Variants in MAEA observed in about 807,000 individuals in gnomAD.
The protein encoded by MAEA is macrophage erythroblast attacher, E3 ubiquitin ligase.
MAEA carries 22 observed loss-of-function variants against 46.2 expected under a neutral mutation model. That is an observed-to-expected ratio of 0.48 (90% CI 0.34 to 0.68). The LOEUF (loss-of-function observed/expected upper bound fraction) is 0.68. Among genes scored for constraint, MAEA ranks in the 30% least tolerant of loss-of-function variants. The probability of loss-of-function intolerance (pLI) is 0.01; values close to 1 mark genes in which losing one functional copy is unlikely to be tolerated. For synonymous variants in MAEA, 246 were observed against 222.6 expected (o/e 1.11, Z -0.94); for missense variants, 393 against 558.1 (o/e 0.70, Z 2.98).
intron 3 of MAEA, among the ~76,000 whole-genome samples, chr4:1,317,946 C>T (rs1369695321): frequency 6.6e-6 from 1 of 152,180 alleles, no homozygotes; most frequent in African/African-American, 2.4e-5. Context: ...GCTGCTGTGG[C>T]CCCCATCTGG....
chr4:1,315,513 G>A lies in MAEA; in HGVS notation c.369G>A (p.Lys123=). The A allele has an allele frequency of 6.2e-7, 1 of 1,613,926 alleles. No homozygotes were observed. The change falls in exon 3 of 9, where the codon AAG becomes AAA. Residue 123 remains lysine (K), a synonymous_variant. Coordinates refer to ENST00000303400, the MANE Select transcript of MAEA (RefSeq NM_001017405.3). ...CGGCGGCCAGCGTGTGGAAGAGGAAGCGCATGGATCGCATGATGGTGGAGC... is the reference window on the plus strand; with the variant it reads ...CGGCGGCCAGCGTGTGGAAGAGGAAACGCATGGATCGCATGATGGTGGAGC... ...QPAAASVWKR[K]RMDRMMVEHL... is the part of the protein sequence containing the mutation.
At chr4:1,338,134 C>T (rs1160258456) in intron 7 of MAEA, 7 of 394,872 alleles carry the variant, frequency 1.8e-5, no homozygotes, top group African/African-American at 4.1e-5. Flanking sequence ...GGAGAGGTTG[C>T]GTGGCCGGGG....
At chr4:1,319,723 G>C in intron 3 of MAEA, among the ~76,000 whole-genome samples, 1 of 46,948 alleles carries the variant, frequency 2.1e-5, no homozygotes, top group South Asian at 5.3e-4. Flanking sequence ...CTGGACAAGA[G>C]AGCGAGACCC....
intron 1 of MAEA, among the ~76,000 whole-genome samples, chr4:1,293,674 A>G (rs1353036446): frequency 6.6e-6 from 1 of 152,172 alleles, no homozygotes; most frequent in Non-Finnish European, 1.5e-5. Context: ...AGCTCCAGTG[A>G]GTCCTCTCAC....
chr4:1,295,598 C>T (rs922041701), intron 1 of MAEA, among the ~76,000 whole-genome samples: 10 of 147,870 alleles, frequency 6.8e-5, no homozygotes, highest in Non-Finnish European at 1.3e-4. Flanking sequence ...GCCTGACCTG[C>T]ACCTGCTCCC....
chr4:1,291,122 A>T (rs1398117904), intron 1 of MAEA, among the ~76,000 whole-genome samples: 3 of 152,196 alleles, frequency 2.0e-5, no homozygotes, highest in Admixed American at 6.5e-5. Context: ...TTCATAGGAA[A>T]GCAGAAGCAA....
chr4:1,337,988 G>A (rs1437992497), intron 7 of MAEA: 1 of 180,928 alleles, frequency 5.5e-6, no homozygotes, highest in South Asian at 1.0e-4. Flanking sequence ...TGGCTGTGCC[G>A]GGGTATGAAT....
At chr4:1,329,949 A>G (rs1372702041) in intron 5 of MAEA, 1 of 985,256 alleles carries the variant, frequency 1.0e-6, no homozygotes, top group Non-Finnish European at 1.2e-6. Context: ...GTCGGGCACC[A>G]TCTACAGGGC....
At chr4:1,335,070 G>T in intron 6 of MAEA, 3 of 985,348 alleles carry the variant, frequency 3.0e-6, no homozygotes, top group Non-Finnish European at 3.6e-6. Flanking sequence ...GCCTTTCTGG[G>T]TTGATGTGAA....
intron 5 of MAEA, chr4:1,329,903 C>T: frequency 1.0e-6 from 1 of 985,558 alleles, no homozygotes; most frequent in Non-Finnish European, 1.2e-6. Flanking sequence ...AGCTTCCCGT[C>T]CACCTCTGAA....
At chr4:1,331,120 A>T (rs1210337556) in intron 5 of MAEA, 4 of 151,170 alleles carry the variant, frequency 2.6e-5, no homozygotes, top group African/African-American at 7.3e-5. Context: ...AGATGGAATG[A>T]GGGGGTTGGG....
chr4:1,326,907 G>C (rs984268362), intron 4 of MAEA, among the ~76,000 whole-genome samples: 2 of 151,980 alleles, frequency 1.3e-5, no homozygotes, highest in East Asian at 1.9e-4. Flanking sequence ...CTACCGACCT[G>C]GGTCCTGCCT....
intron 6 of MAEA, chr4:1,335,373 G>T: frequency 2.0e-6 from 2 of 985,508 alleles, no homozygotes; most frequent in Non-Finnish European, 2.4e-6. Context: ...AGTGAGTGTA[G>T]CAGAGTTAAG....
In MAEA at chr4:1,338,601, A is replaced by G. The variant is rs768742118; in HGVS notation, c.1079A>G (p.Tyr360Cys). Reference protein sequence around the residue: ...NNPPMMLPNGYVYGYNSLLSI... With the variant: ...NNPPMMLPNGCVYGYNSLLSI... ...CCGCCCATGATGCTGCCCAACGGCTACGTCTACGGCTACAATGTGAGGGGG... is the reference window on the plus strand; with the variant it reads ...CCGCCCATGATGCTGCCCAACGGCTGCGTCTACGGCTACAATGTGAGGGGG... Residue 360 changes from tyrosine (Y) to cysteine (C), a missense_variant, in exon 8 of 9, where the codon TAC becomes TGC. Around this residue, in one of 2 missense-constraint regions of MAEA, gnomAD observed 358 missense variants for 537.9 expected, o/e 0.67. Coordinates refer to ENST00000303400, the MANE Select transcript of MAEA (RefSeq NM_001017405.3). 2 of 1,609,966 alleles carry G rather than the reference A, an allele frequency of 1.2e-6. No individual in the cohort carries two copies. Among genetic ancestry groups the G allele is most frequent in the South Asian group, 1.1e-5 (1 of 90,628 alleles).
intron 5 of MAEA, chr4:1,332,140 A>C (rs1382365495): frequency 1.3e-5 from 2 of 152,430 alleles, no homozygotes; most frequent in Non-Finnish European, 2.9e-5. Flanking sequence ...GCATCTGGGG[A>C]GAGTGGGAAT....
At chr4:1,299,144 G>C (rs1735070281) in intron 1 of MAEA, among the ~76,000 whole-genome samples, 1 of 152,284 alleles carries the variant, frequency 6.6e-6, no homozygotes, top group South Asian at 2.1e-4. Flanking sequence ...GTCCAAAAGT[G>C]TTGGAATAAC....
intron 1 of MAEA, among the ~76,000 whole-genome samples, chr4:1,305,760 T>C (rs760017429): frequency 1.4e-5 from 1 of 69,270 alleles, no homozygotes; most frequent in African/African-American, 3.2e-5. Flanking sequence ...TGCGTGCACG[T>C]GCGCACGCGT....
chr4:1,306,400 A>G (rs1212508500), intron 1 of MAEA, among the ~76,000 whole-genome samples: 1 of 152,184 alleles, frequency 6.6e-6, no homozygotes, highest in East Asian at 1.9e-4. Context: ...CTGTAGTCCT[A>G]GCTACTCAGG....
Position 1,311,884 on chromosome 4 carries a change from C to G in MAEA, c.70-95C>G. On this transcript the variant is annotated intron_variant, in intron 1 of 8. Transcript: ENST00000303400. The surrounding 1 kb of genome is among the most constrained non-coding windows in gnomAD (Gnocchi z 4.4). ...GAACCTTCTGAGACTTCTGCCTCTACAAGTGCCATGAGGAGACCTGGTGTG... is the reference window on the plus strand; with the variant it reads ...GAACCTTCTGAGACTTCTGCCTCTAGAAGTGCCATGAGGAGACCTGGTGTG... The G allele has an allele frequency of 9.1e-7, 1 of 1,101,482 alleles. No homozygotes were observed. Among genetic ancestry groups the G allele is most frequent in the Non-Finnish European group, 1.3e-6 (1 of 757,006 alleles). The allele number at this position is 1,101,482 out of a possible 1,614,324, so 68.2% of individuals were successfully genotyped here.
Sources: gnomAD v4.1 joint callset for allele counts (sites outside exome capture counted in the v4.1 genomes callset) on GRCh38, gnomAD v4.1.1 for gene constraint, gnomAD v4.1.1 regional missense constraint, Gnocchi (gnomAD v3.1) non-coding constraint, MANE v1.5 for transcripts, NCBI Gene and HGNC (gene_info 2026-07-23, HGNC 2026-07-21) for gene names.